The following EMC8 variants were observed in gnomAD, a reference collection of about 807,000 sequenced individuals.
EMC8 encodes the protein COX4 neighbor.
In EMC8, 11 loss-of-function variants were observed where a neutral mutation model predicts 24.3. The ratio of observed to expected loss-of-function variants is 0.45; its 90% CI spans 0.28 to 0.75. EMC8 has a LOEUF of 0.75. Among genes scored for constraint, EMC8 ranks in the 30% least tolerant of loss-of-function variants. The pLI, the probability that EMC8 is intolerant of heterozygous loss-of-function variation, is 0.12. For missense variants in EMC8, 277 were observed against 282.7 expected (o/e 0.98, Z 0.14); for synonymous variants, 145 against 117.7 (o/e 1.23, Z -1.50).
intron 1 of EMC8, among the ~76,000 whole-genome samples, chr16:85,789,652 C>T (rs534593133): frequency 5.0e-4 from 76 of 152,042 alleles, no homozygotes; most frequent in African/African-American, 1.6e-3. Context: ...ATTAGCTGGG[C>T]GTGGTGGTGG....
At chr16:85,794,413 G>T (rs1351401374) in intron 1 of EMC8, among the ~76,000 whole-genome samples, 3 of 152,178 alleles carry the variant, frequency 2.0e-5, no homozygotes, top group Admixed American at 2.0e-4. Context: ...TCAGGGCTGA[G>T]TGCGGTGACT....
intron 1 of EMC8, among the ~76,000 whole-genome samples, chr16:85,796,652 T>C (rs1424333722): frequency 6.6e-6 from 1 of 152,104 alleles, no homozygotes; most frequent in Non-Finnish European, 1.5e-5. Context: ...CCTATTGCTC[T>C]CTCCAAACTC....
intron 1 of EMC8, among the ~76,000 whole-genome samples, chr16:85,791,970 G>A (rs1461718066): frequency 6.6e-6 from 1 of 152,162 alleles, no homozygotes; most frequent in Non-Finnish European, 1.5e-5. Context: ...TTACTCAGCT[G>A]ACCATACCAT....
At chr16:85,780,593 G>T in intron 3 of EMC8, 120 bp from the exon 4 acceptor site, 1 of 697,118 alleles carries the variant, frequency 1.4e-6, no homozygotes, top group South Asian at 1.6e-5. Flanking sequence ...AGACTCTTCC[G>T]ACAGAGCCTG....
At chr16:85,785,262 T>G (rs968073506) in intron 2 of EMC8, among the ~76,000 whole-genome samples, 7 of 152,218 alleles carry the variant, frequency 4.6e-5, no homozygotes, top group African/African-American at 1.7e-4. Context: ...TTTATTATTT[T>G]AAAAGAAGTC....
At chr16:85,798,808 A>T (rs925904068) in intron 1 of EMC8, 3 of 440,754 alleles carry the variant, frequency 6.8e-6, no homozygotes, top group Non-Finnish European at 1.2e-5. Context: ...TGATTTCAGG[A>T]AACTAACGTA....
intron 4 of EMC8, 116 bp from the exon 5 acceptor site, chr16:85,779,983 T>C: frequency 2.5e-6 from 2 of 808,978 alleles, no homozygotes; most frequent in South Asian, 1.6e-5. Flanking sequence ...TGGTGCAGAG[T>C]ACTGAGAAAC....
chr16:85,793,742 C>T (rs565166021), intron 1 of EMC8, among the ~76,000 whole-genome samples: 3 of 152,296 alleles, frequency 2.0e-5, no homozygotes, highest in African/African-American at 7.2e-5. Context: ...AAAGCTACTC[C>T]ACCGCACTAG....
chr16:85,780,254 G>A (rs1221252796), intron 4 of EMC8, 125 bp downstream of exon 4: 2 of 713,526 alleles, frequency 2.8e-6, no homozygotes, highest in African/African-American at 1.7e-5. Flanking sequence ...AGGAGCCGGG[G>A]AATATGCTTG....
chr16:85,791,532 C>G (rs1905012903), intron 1 of EMC8, among the ~76,000 whole-genome samples: 1 of 152,160 alleles, frequency 6.6e-6, no homozygotes, highest in Non-Finnish European at 1.5e-5. Flanking sequence ...TGTGTTCTCA[C>G]TATTCAACTC....
At chr16:85,787,389 G>A (rs550732263) in intron 2 of EMC8, among the ~76,000 whole-genome samples, 1 of 152,174 alleles carries the variant, frequency 6.6e-6, no homozygotes, top group Non-Finnish European at 1.5e-5. Context: ...TGCAGGGGCC[G>A]CTGTCCTGCA....
At chr16:85,783,027 C>A (rs896178470) in intron 2 of EMC8, among the ~76,000 whole-genome samples, 2 of 152,218 alleles carry the variant, frequency 1.3e-5, no homozygotes, top group East Asian at 3.9e-4. Context: ...CGGCTGGGTG[C>A]AGTGGCTCAC....
intron 1 of EMC8, among the ~76,000 whole-genome samples, chr16:85,794,527 A>G (rs1463166031): frequency 1.3e-5 from 2 of 152,134 alleles, no homozygotes; most frequent in African/African-American, 4.8e-5. Context: ...TGTCTACTAA[A>G]ATAAAAAAGA....
chr16:85,787,424 T>A (rs1218951618), intron 2 of EMC8, among the ~76,000 whole-genome samples: 1 of 152,238 alleles, frequency 6.6e-6, no homozygotes, highest in Non-Finnish European at 1.5e-5. Flanking sequence ...TGCACTGTCC[T>A]TCATGTTCAA....
chr16:85,788,103 C>T (rs1055769267), intron 2 of EMC8, among the ~76,000 whole-genome samples: 3 of 152,142 alleles, frequency 2.0e-5, no homozygotes, highest in South Asian at 2.1e-4. Context: ...TTATATACGG[C>T]GTGGACTTTC....
intron 1 of EMC8, among the ~76,000 whole-genome samples, chr16:85,793,510 G>A (rs1451238847): frequency 6.6e-6 from 1 of 152,140 alleles, no homozygotes; most frequent in Non-Finnish European, 1.5e-5. Flanking sequence ...CTCAAAGGGG[G>A]AACCACAGCA....
chr16:85,784,641 T>C (rs534196383), intron 2 of EMC8: 2 of 151,882 alleles, frequency 1.3e-5, no homozygotes, highest in East Asian at 3.9e-4. Flanking sequence ...AAGGCAGTGC[T>C]TCACTGCACT....
chr16:85,779,672 T>C lies in EMC8; in HGVS notation c.*36A>G, dbSNP rs752199896. On this transcript the variant is annotated 3_prime_UTR_variant, in exon 5 of 5. Transcript: ENST00000253457. Reference sequence around the variant, plus strand: ...AAATAGGTTTTCTTCTTCAACGTAGTGGAAAGGCCCGGAGCCCAGTCACAG... The same window carrying C: ...AAATAGGTTTTCTTCTTCAACGTAGCGGAAAGGCCCGGAGCCCAGTCACAG... The C allele has an allele frequency of 6.2e-7, 1 of 1,602,442 alleles. No homozygotes were observed. Among genetic ancestry groups the C allele is most frequent in the Admixed American group, 1.7e-5 (1 of 59,842 alleles).
intron 2 of EMC8, chr16:85,784,717 A>T (rs983579542): frequency 6.6e-6 from 1 of 152,128 alleles, no homozygotes; most frequent in Admixed American, 6.5e-5. Flanking sequence ...GTGGGTACAG[A>T]GCCCTCAGGA....
Sources: allele counts gnomAD v4.1 joint callset (sites outside exome capture counted in the v4.1 genomes callset), GRCh38; gene constraint gnomAD v4.1.1; transcripts MANE v1.5; gene names NCBI Gene and HGNC (gene_info 2026-07-23, HGNC 2026-07-21).